Variants in CARS2 observed in about 807,000 individuals in gnomAD.
The protein encoded by CARS2 is cysteinyl-tRNA synthetase 2, mitochondrial.
Under a neutral mutation model 68.8 loss-of-function variants are expected in CARS2, and 52 were observed. That is an observed-to-expected ratio of 0.76 (90% CI 0.61 to 0.95). CARS2 has a LOEUF of 0.95. Ranked by LOEUF, CARS2 falls within the 40% of genes least tolerant of loss-of-function variation. The pLI, the probability that CARS2 is intolerant of heterozygous loss-of-function variation, is 0.00. For synonymous variants in CARS2, 314 were observed against 303.6 expected (o/e 1.03, Z -0.36); for missense variants, 780 against 754.2 (o/e 1.03, Z -0.40).
chr13:110,672,755 C>CA (rs1259861004), intron 7 of CARS2, among the ~76,000 whole-genome samples: 5 of 152,010 alleles, frequency 3.3e-5, no homozygotes, highest in African/African-American at 7.2e-5. Flanking sequence ...AAAAACCCTT[C>CA]AAAAAATCAA....
intron 9 of CARS2, among the ~76,000 whole-genome samples, chr13:110,655,053 A>G (rs1203899481): frequency 2.0e-5 from 3 of 152,204 alleles, no homozygotes; most frequent in Non-Finnish European, 4.4e-5. Flanking sequence ...GTAGGAATGT[A>G]AATCACACTC....
intron 7 of CARS2, among the ~76,000 whole-genome samples, chr13:110,672,047 G>A (rs1278355258): frequency 2.0e-5 from 3 of 152,290 alleles, no homozygotes; most frequent in Admixed American, 2.0e-4. Context: ...TAATACAGGA[G>A]CACCCAGATT....
chr13:110,679,031 CCTT>C (rs2063058113), intron 6 of CARS2, among the ~76,000 whole-genome samples: 2 of 14,642 alleles, frequency 1.4e-4, no homozygotes, highest in Non-Finnish European at 3.5e-4. Context: ...CGCCCGTTGT[CCTT>C]ACCACACATG....
At chr13:110,689,949 C>T (rs2063409837) in intron 3 of CARS2, among the ~76,000 whole-genome samples, 1 of 152,220 alleles carries the variant, frequency 6.6e-6, no homozygotes, top group Admixed American at 6.5e-5. Context: ...AGTGGGGTGG[C>T]CGGGCGCGGT....
Position 110,653,199 on chromosome 13 carries a change from A to ATGTG in CARS2, c.988-2103_988-2100dup, listed in dbSNP as rs140488394. ...CTGGGGTGGGGAGGGGGGCTGGGGT[A>ATGTG]TGTGTGTGTGTGTGTTTGTGTGTGT... On this transcript the variant is annotated intron_variant, in intron 9 of 14. Transcript: ENST00000257347. The surrounding 1 kb of genome is among the most constrained non-coding windows in gnomAD (Gnocchi z 5.6). 0.034 allele frequency among the ~76,000 whole-genome samples: 5,096 copies of ATGTG among 148,830 alleles called. 182 individuals are homozygous for ATGTG. Among genetic ancestry groups the ATGTG allele is most frequent in the African/African-American group, 0.08 (3,196 of 39,884 alleles).
intron 3 of CARS2, among the ~76,000 whole-genome samples, chr13:110,692,366 G>T (rs1408416392): frequency 1.3e-5 from 2 of 151,724 alleles, no homozygotes; most frequent in Non-Finnish European, 2.9e-5. Flanking sequence ...GGCTACTCGG[G>T]AGGCTGAGGC....
In CARS2 at chr13:110,642,022, A is replaced by T. The variant is rs1258929178; in HGVS notation, c.1623+293T>A. Among the ~76,000 whole-genome samples the T allele has an allele frequency of 1.7e-3, 260 of 151,990 alleles. 2 individuals are homozygous for T. Among genetic ancestry groups the T allele is most frequent in the African/African-American group, 5.9e-3 (244 of 41,282 alleles). On this transcript the variant is annotated intron_variant, in intron 14 of 14. Transcript: ENST00000257347. ...TTTGAGACCAGCCTGACCCACGTGG[A>T]GAAAACCTGTCTCTACTAAAAATAA...
intron 5 of CARS2, among the ~76,000 whole-genome samples, chr13:110,684,948 A>G (rs2063256974): frequency 1.3e-5 from 2 of 152,336 alleles, no homozygotes; most frequent in South Asian, 4.1e-4. Context: ...TGTATTTTGA[A>G]TTAATTATAT....
intron 6 of CARS2, among the ~76,000 whole-genome samples, chr13:110,680,097 G>A (rs1207323259): frequency 3.4e-5 from 5 of 148,428 alleles, no homozygotes; most frequent in Non-Finnish European, 7.4e-5. Context: ...TCCAGCAAAT[G>A]GGCCAGGCAC....
chr13:110,689,166 C>G (rs1166432430), intron 3 of CARS2, among the ~76,000 whole-genome samples: 1 of 152,190 alleles, frequency 6.6e-6, no homozygotes, highest in Non-Finnish European at 1.5e-5. Flanking sequence ...TTCATAATTT[C>G]AATGAAAAAC....
rs748886950 is a variant in CARS2 at position 110,677,122 on chromosome 13, A to G, written c.656-19T>C. ...GAGTCCGCTGCAGATGACAAACGGT[A>G]CATCAGTGGGAAGAAGCTCAGTCAC... On this transcript the variant is annotated intron_variant, in intron 6 of 14. Transcript: ENST00000257347. The G allele has an allele frequency of 5.7e-6, 9 of 1,586,984 alleles. No homozygotes were observed. Among genetic ancestry groups the G allele is most frequent in the South Asian group, 1.1e-5 (1 of 89,266 alleles).
intron 2 of CARS2, among the ~76,000 whole-genome samples, chr13:110,701,858 C>A (rs1022518286): frequency 4.6e-5 from 7 of 152,240 alleles, no homozygotes; most frequent in African/African-American, 1.7e-4. Flanking sequence ...AAAATTCACT[C>A]ATAATACAAT....
At chr13:110,706,621 CCAAA>C (rs3840808), upstream of CARS2, 92,329 of 150,890 alleles carry the variant, frequency 0.61, 30,629 homozygotes, top group Non-Finnish European at 0.74. Flanking sequence ...AGTGTGCACC[CCAAA>C]CACACATCTG....
intron 3 of CARS2, among the ~76,000 whole-genome samples, chr13:110,697,671 G>T (rs1033969425): frequency 6.6e-6 from 1 of 152,222 alleles, no homozygotes; most frequent in Admixed American, 6.5e-5. Flanking sequence ...TCTAACTCCT[G>T]GGCTTAAGTG....
intron 2 of CARS2, among the ~76,000 whole-genome samples, chr13:110,702,075 A>T (rs2063802771): frequency 6.6e-6 from 1 of 152,226 alleles, no homozygotes; most frequent in African/African-American, 2.4e-5. Context: ...GGTAATTCAG[A>T]CTTGTAAAAC....
At chr13:110,680,760 G>A (rs1430495692) in intron 6 of CARS2, among the ~76,000 whole-genome samples, 1 of 152,226 alleles carries the variant, frequency 6.6e-6, no homozygotes, top group East Asian at 1.9e-4. Context: ...AAGAAGCCAG[G>A]GGAGGAACAT....
intron 5 of CARS2, 153 bp from the exon 6 acceptor site, chr13:110,683,287 G>T (rs909726930): frequency 2.1e-6 from 1 of 484,926 alleles, no homozygotes; most frequent in East Asian, 3.6e-5. Context: ...TATAGACAGG[G>T]TCTTGCTGTT....
intron 7 of CARS2, among the ~76,000 whole-genome samples, chr13:110,672,893 G>A (rs2062839247): frequency 1.3e-5 from 2 of 152,116 alleles, no homozygotes; most frequent in East Asian, 1.9e-4. Context: ...TATCACCACC[G>A]ATCCCACAGA....
intron 3 of CARS2, among the ~76,000 whole-genome samples, chr13:110,698,211 TA>T (rs1291586352): frequency 6.6e-6 from 1 of 152,134 alleles, no homozygotes; most frequent in African/African-American, 2.4e-5. Context: ...TGTATATGTA[TA>T]TTTTTTTTTC....
Sources: allele counts gnomAD v4.1 joint callset (sites outside exome capture counted in the v4.1 genomes callset), GRCh38; gene constraint gnomAD v4.1.1; non-coding constraint Gnocchi (gnomAD v3.1); transcripts MANE v1.5; gene names NCBI Gene and HGNC (gene_info 2026-07-23, HGNC 2026-07-21).